Variants in SLC26A7 observed in about 807,000 individuals in gnomAD.
SLC26A7 encodes anion exchange transporter.
SLC26A7 carries 59 observed loss-of-function variants against 82.5 expected under a neutral mutation model. The ratio of observed to expected loss-of-function variants is 0.72; its 90% CI spans 0.58 to 0.89. The LOEUF (loss-of-function observed/expected upper bound fraction) is 0.89, where lower values mean the gene tolerates loss of function less well. Ranked by LOEUF, SLC26A7 falls within the 40% of genes least tolerant of loss-of-function variation. The pLI, the probability that SLC26A7 is intolerant of heterozygous loss-of-function variation, is 0.00. For missense variants in SLC26A7, 820 were observed against 793.0 expected (o/e 1.03, Z -0.41); for synonymous variants, 271 against 274.3 (o/e 0.99, Z 0.12).
intron 13 of SLC26A7, among the ~76,000 whole-genome samples, chr8:91,365,273 A>G (rs1357851020): frequency 6.6e-6 from 1 of 152,248 alleles, no homozygotes; most frequent in Non-Finnish European, 1.5e-5. Flanking sequence ...GTCTTGGGCC[A>G]CACATAAAAT....
intron 2 of SLC26A7, among the ~76,000 whole-genome samples, chr8:91,257,236 A>G (rs1810829450): frequency 6.6e-6 from 1 of 152,180 alleles, no homozygotes; most frequent in Non-Finnish European, 1.5e-5. Flanking sequence ...TGGCCTGAGC[A>G]TCCATGAATA....
intron 5 of SLC26A7, among the ~76,000 whole-genome samples, chr8:91,323,548 T>A (rs1039921140): frequency 1.3e-5 from 2 of 152,224 alleles, no homozygotes; most frequent in East Asian, 3.8e-4. Context: ...AAGTGACTTT[T>A]GTATACTCAT....
At chr8:91,307,490 T>G (rs1294904539) in intron 4 of SLC26A7, among the ~76,000 whole-genome samples, 11 of 143,416 alleles carry the variant, frequency 7.7e-5, no homozygotes, top group Admixed American at 5.8e-4. Flanking sequence ...TGAGTTCATG[T>G]CCTTTGTAGG....
At chr8:91,331,057 C>T (rs1369656248) in intron 5 of SLC26A7, among the ~76,000 whole-genome samples, 1 of 152,036 alleles carries the variant, frequency 6.6e-6, no homozygotes, top group African/African-American at 2.4e-5. Context: ...TTCTCCTGTA[C>T]AAGGTGCATG....
chr8:91,307,326 G>A (rs1812339126), intron 4 of SLC26A7, among the ~76,000 whole-genome samples: 3 of 126,826 alleles, frequency 2.4e-5, no homozygotes, highest in Admixed American at 8.1e-5. Flanking sequence ...TATAAATCAT[G>A]CTGCTATAAA....
At chr8:91,386,791 G>A (rs1814811397) in intron 15 of SLC26A7, among the ~76,000 whole-genome samples, 1 of 152,090 alleles carries the variant, frequency 6.6e-6, no homozygotes, top group African/African-American at 2.4e-5. Flanking sequence ...ATTAAGCATG[G>A]AAGATATATA....
intron 2 of SLC26A7, among the ~76,000 whole-genome samples, chr8:91,274,430 T>G (rs1302266025): frequency 2.6e-5 from 4 of 152,124 alleles, no homozygotes; most frequent in Non-Finnish European, 4.4e-5. Context: ...TCTTTCTGTC[T>G]TATAACATAG....
At chr8:91,310,563 AG>A (rs916710224) in intron 4 of SLC26A7, among the ~76,000 whole-genome samples, 3 of 151,794 alleles carry the variant, frequency 2.0e-5, no homozygotes, top group Non-Finnish European at 1.5e-5. Flanking sequence ...TAAGGGGGTG[AG>A]GACAGCTTCC....
intron 3 of SLC26A7, among the ~76,000 whole-genome samples, chr8:91,294,452 C>T (rs1811962456): frequency 6.6e-6 from 1 of 152,034 alleles, no homozygotes; most frequent in Admixed American, 6.6e-5. Context: ...GTTGAATTTC[C>T]ATTGAGACCT....
At chr8:91,218,163 C>T (rs1810088719) in intron 1 of SLC26A7, among the ~76,000 whole-genome samples, 1 of 152,132 alleles carries the variant, frequency 6.6e-6, no homozygotes, top group Admixed American at 6.6e-5. Flanking sequence ...GCGTTATCAA[C>T]CAATTAAATA....
chr8:91,379,290 G>C (rs929526151), intron 15 of SLC26A7, among the ~76,000 whole-genome samples: 5 of 152,034 alleles, frequency 3.3e-5, no homozygotes, highest in Non-Finnish European at 7.4e-5. Context: ...AGTTACAATA[G>C]AATATTTTAA....
chr8:91,335,753 G>T (rs1394562169), intron 6 of SLC26A7, among the ~76,000 whole-genome samples: 2 of 152,146 alleles, frequency 1.3e-5, no homozygotes, highest in Non-Finnish European at 2.9e-5. Flanking sequence ...ACAAGTTATA[G>T]ATCAAAATGT....
At chr8:91,293,543 G>A (rs1471094014) in intron 3 of SLC26A7, among the ~76,000 whole-genome samples, 1 of 152,174 alleles carries the variant, frequency 6.6e-6, no homozygotes, top group African/African-American at 2.4e-5. Flanking sequence ...GGATATGCCT[G>A]TACCCATTGC....
chr8:91,322,182 A>G (rs916127354), intron 5 of SLC26A7, among the ~76,000 whole-genome samples: 8 of 152,182 alleles, frequency 5.3e-5, no homozygotes, highest in African/African-American at 1.9e-4. Flanking sequence ...GAAAATTTAT[A>G]AAACCTTTAG....
At chr8:91,370,707 T>C (rs923021201) in intron 15 of SLC26A7, among the ~76,000 whole-genome samples, 3 of 151,962 alleles carry the variant, frequency 2.0e-5, no homozygotes, top group Non-Finnish European at 4.4e-5. Flanking sequence ...AAAATATGAA[T>C]GAGAAGTGTT....
At chr8:91,285,145 G>C (rs556802692) in intron 2 of SLC26A7, among the ~76,000 whole-genome samples, 3 of 152,358 alleles carry the variant, frequency 2.0e-5, no homozygotes, top group African/African-American at 7.2e-5. Context: ...GGCAAGCTTT[G>C]ACATTCTTTT....
intron 4 of SLC26A7, among the ~76,000 whole-genome samples, chr8:91,308,320 T>A (rs1812381110): frequency 6.6e-6 from 1 of 151,842 alleles, no homozygotes; most frequent in Non-Finnish European, 1.5e-5. Context: ...ACATAAAATT[T>A]ACCATCTTAA....
At chr8:91,327,024 C>A (rs765720223) in intron 5 of SLC26A7, among the ~76,000 whole-genome samples, 10 of 152,058 alleles carry the variant, frequency 6.6e-5, no homozygotes, top group Admixed American at 4.6e-4. Context: ...ATCTTGTGGT[C>A]GATCCTTTAC....
chr8:91,263,587 G>C (rs1811027914), intron 2 of SLC26A7, among the ~76,000 whole-genome samples: 1 of 151,996 alleles, frequency 6.6e-6, no homozygotes, highest in Admixed American at 6.6e-5. Flanking sequence ...TGCTTGCCCT[G>C]TGTTGGGCCA....
Sources: gnomAD v4.1 joint callset for allele counts (sites outside exome capture counted in the v4.1 genomes callset) on GRCh38, gnomAD v4.1.1 for gene constraint, MANE v1.5 for transcripts, NCBI Gene and HGNC (gene_info 2026-07-23, HGNC 2026-07-21) for gene names.